Variants in CABIN1 observed in about 807,000 individuals in gnomAD.
CABIN1 encodes calcineurin binding protein 1.
A neutral mutation model predicts 227.7 loss-of-function variants in CABIN1; 133 were observed. The observed-to-expected ratio is 0.58, with a 90% CI of 0.51 to 0.67. The LOEUF (loss-of-function observed/expected upper bound fraction) is 0.67, where lower values mean the gene tolerates loss of function less well. CABIN1 is among the 30% of genes least tolerant of loss of function. The pLI is 0.00. For missense variants in CABIN1, 2,408 were observed against 2,852.5 expected (o/e 0.84, Z 3.55); for synonymous variants, 1,086 against 1,155.1 (o/e 0.94, Z 1.21).
intron 1 of CABIN1, among the ~76,000 whole-genome samples, chr22:24,017,639 G>A (rs1001526129): frequency 2.6e-5 from 4 of 152,130 alleles, no homozygotes; most frequent in Admixed American, 6.5e-5. Flanking sequence ...GTTCATCCAC[G>A]TTGTAGCATA....
chr22:24,175,912 C>T, intron 34 of CABIN1, 199 bp from the exon 35 acceptor site: 2 of 674,646 alleles, frequency 3.0e-6, no homozygotes, highest in Non-Finnish European at 2.6e-6. Context: ...GGAGCCAGCC[C>T]CTACCAGTGT....
chr22:24,083,390 G>A lies in CABIN1; in HGVS notation c.2910+1G>A, dbSNP rs757262022. 5 of 1,613,760 alleles carry A rather than the reference G, an allele frequency of 3.1e-6. No individual in the cohort carries two copies. The highest frequency in any genetic ancestry group is 4.2e-6 in the Non-Finnish European group (5 of 1,180,028). ...CCTGGAGGAACACTCGGCCCAGCAGGTGAGGGTGCTGCAATAGGCCCAACA... is the reference window on the plus strand; with the variant it reads ...CCTGGAGGAACACTCGGCCCAGCAGATGAGGGTGCTGCAATAGGCCCAACA... On this transcript the variant is annotated splice_donor_variant, in intron 20 of 36. Transcript: ENST00000263119. LOFTEE classifies it high-confidence loss of function.
At chr22:24,037,050 A>G (rs543306422) in intron 3 of CABIN1, among the ~76,000 whole-genome samples, 1 of 152,220 alleles carries the variant, frequency 6.6e-6, no homozygotes, top group Non-Finnish European at 1.5e-5. Context: ...ACTTGAGGTC[A>G]GGAGTTCGAG....
chr22:24,073,104 C>T (rs1038417562), intron 18 of CABIN1, among the ~76,000 whole-genome samples: 5 of 152,136 alleles, frequency 3.3e-5, no homozygotes, highest in African/African-American at 9.7e-5. Flanking sequence ...CCAGGGAGGG[C>T]GAGCCCCAGA....
In CABIN1 at chr22:24,177,600, C is replaced by G; in HGVS notation, c.6302C>G (p.Ser2101Cys). The G allele has an allele frequency of 6.2e-7, 1 of 1,610,156 alleles. No homozygotes were observed. The highest frequency in any genetic ancestry group is 1.7e-4 in the Middle Eastern group (1 of 6,042). Residue 2101 changes from serine to cysteine, a missense_variant, in exon 36 of 37, where the codon TCC becomes TGC. Physicochemically the swap from Ser to Cys is moderately radical, Grantham distance 112 (BLOSUM62 -1). Around this residue, in one of 3 missense-constraint regions of CABIN1, gnomAD observed 714 missense variants for 773.8 expected, o/e 0.92. Coordinates refer to ENST00000263119, the MANE Select transcript of CABIN1 (RefSeq NM_012295.4). This position sits in a 1 kb window ranked among gnomAD's most constrained non-coding sequence, Gnocchi z 4.4. Reference sequence around the variant, plus strand: ...AGCTCTCCCCCAACAGCTGCCAGCTCCAAGGCCCCCAGCAGTGGGAGTGCC... The same window carrying G: ...AGCTCTCCCCCAACAGCTGCCAGCTGCAAGGCCCCCAGCAGTGGGAGTGCC... Reference protein sequence around the residue: ...PLSSPPTAASSKAPSSGSAQP... With the variant: ...PLSSPPTAASCKAPSSGSAQP...
intron 29 of CABIN1, chr22:24,155,897 G>A: frequency 2.2e-6 from 1 of 459,900 alleles, no homozygotes; most frequent in Non-Finnish European, 3.9e-6. Flanking sequence ...AACCGGAGAG[G>A]ATTGGCCGGC....
At chr22:24,110,863 G>C (rs2147740515) in intron 26 of CABIN1, among the ~76,000 whole-genome samples, 1 of 49,014 alleles carries the variant, frequency 2.0e-5, no homozygotes, top group African/African-American at 8.7e-5. Flanking sequence ...GGCCCACCTA[G>C]GTGTGATTTT....
rs1326326766 is a variant in CABIN1 at position 24,177,960 on chromosome 22, G to C, written c.6520-93G>C. On this transcript the variant is annotated intron_variant, in intron 36 of 36. Coordinates refer to ENST00000263119, the MANE Select transcript of CABIN1 (RefSeq NM_012295.4). The surrounding 1 kb of genome is among the most constrained non-coding windows in gnomAD (Gnocchi z 4.4). ...GGGCCTGGGGCAGGGGTGAGGGTGG[G>C]AGGGGGGCCTGGGGCAGGGGTGAAG... 1 of 1,540,244 alleles carries C rather than the reference G, an allele frequency of 6.5e-7. No homozygotes were observed. The highest frequency in any genetic ancestry group is 1.7e-5 in the Admixed American group (1 of 58,684).
At chr22:24,066,915 A>G in intron 15 of CABIN1, 72 bp from the exon 16 acceptor site, 1 of 1,470,922 alleles carries the variant, frequency 6.8e-7, no homozygotes, top group Non-Finnish European at 9.5e-7. Context: ...GATAAAAACA[A>G]ACACTGGCCA....
chr22:24,025,432 C>A (rs759080362), intron 1 of CABIN1, among the ~76,000 whole-genome samples: 3 of 152,140 alleles, frequency 2.0e-5, no homozygotes, highest in Non-Finnish European at 4.4e-5. Context: ...CAAGTATATA[C>A]CAGTTCTACA....
At chr22:24,056,021 A>G (rs1395307015) in intron 9 of CABIN1, among the ~76,000 whole-genome samples, 171 bp from the exon 10 acceptor site, 1 of 152,206 alleles carries the variant, frequency 6.6e-6, no homozygotes, top group Non-Finnish European at 1.5e-5. Flanking sequence ...AGGGGTTTCA[A>G]ATTAATTTTA....
intron 27 of CABIN1, among the ~76,000 whole-genome samples, chr22:24,116,845 C>T (rs1009475161): frequency 6.6e-6 from 1 of 152,242 alleles, no homozygotes; most frequent in South Asian, 2.1e-4. Context: ...TCAGATGGCT[C>T]CTGTGCTCTG....
At chr22:24,095,460 G>A (rs1303010121) in intron 24 of CABIN1, among the ~76,000 whole-genome samples, 1 of 127,170 alleles carries the variant, frequency 7.9e-6, no homozygotes, top group Non-Finnish European at 1.6e-5. Flanking sequence ...AGACGTTTTC[G>A]AGGCCTGTGG....
chr22:24,143,857 TCCC>T (rs1285780725), intron 29 of CABIN1, among the ~76,000 whole-genome samples: 2 of 152,156 alleles, frequency 1.3e-5, no homozygotes, highest in Non-Finnish European at 2.9e-5. Flanking sequence ...GCCTCGCTCT[TCCC>T]CTTGGACAGC....
At chr22:24,140,275 C>G (rs1270124774) in intron 29 of CABIN1, among the ~76,000 whole-genome samples, 1 of 152,204 alleles carries the variant, frequency 6.6e-6, no homozygotes, top group African/African-American at 2.4e-5. Context: ...GGCTGGCCCC[C>G]ACAGCAGCAC....
intron 14 of CABIN1, among the ~76,000 whole-genome samples, chr22:24,063,628 G>A (rs901740619): frequency 6.6e-6 from 1 of 152,206 alleles, no homozygotes; most frequent in African/African-American, 2.4e-5. Flanking sequence ...GCACATGGTG[G>A]TACTGGTACA....
chr22:24,012,165 T>TG (rs996093470), intron 1 of CABIN1, among the ~76,000 whole-genome samples: 101 of 152,252 alleles, frequency 6.6e-4, no homozygotes, highest in African/African-American at 2.3e-3. Context: ...AGTTTAGGCT[T>TG]GGGGGGTCCA....
intron 26 of CABIN1, among the ~76,000 whole-genome samples, chr22:24,102,885 C>T (rs2042290861): frequency 6.6e-6 from 1 of 152,052 alleles, no homozygotes; most frequent in South Asian, 2.1e-4. Flanking sequence ...TGCCCTGTGC[C>T]AAACCCCCAT....
chr22:24,133,014 T>C (rs920179438), intron 28 of CABIN1, among the ~76,000 whole-genome samples: 1 of 152,206 alleles, frequency 6.6e-6, no homozygotes, highest in African/African-American at 2.4e-5. Context: ...CTGTTCTCAG[T>C]TGGGAGCCTG....
Sources: allele counts gnomAD v4.1 joint callset (sites outside exome capture counted in the v4.1 genomes callset), GRCh38; gene constraint gnomAD v4.1.1; regional missense constraint gnomAD v4.1.1; non-coding constraint Gnocchi (gnomAD v3.1); transcripts MANE v1.5; gene names NCBI Gene and HGNC (gene_info 2026-07-23, HGNC 2026-07-21).